The following ACOXL variants were observed in gnomAD, a reference collection of about 807,000 sequenced individuals.
The protein encoded by ACOXL is acyl-coenzyme A oxidase-like protein.
A neutral mutation model predicts 71.9 loss-of-function variants in ACOXL; 70 were observed. That is an observed-to-expected ratio of 0.97 (90% CI 0.80 to 1.19). ACOXL has a LOEUF of 1.19. Among genes scored for constraint, ACOXL ranks in the 50% most tolerant of loss-of-function variants. ACOXL has a pLI of 0.00. For synonymous variants in ACOXL, 253 were observed against 281.6 expected, an observed-to-expected ratio of 0.90 and a Z score of 1.02; for missense variants, 703 against 736.3, an observed-to-expected ratio of 0.95 and a Z score of 0.52.
chr2:110,839,155 C>T lies in ACOXL; in HGVS notation c.754-2216C>T, dbSNP rs1452306431. 2.6e-5 allele frequency among the ~76,000 whole-genome samples: 4 copies of T among 151,842 alleles called. No homozygotes were observed. In the East Asian group the frequency reaches 5.8e-4, roughly 22 times the overall value. On this transcript the variant is annotated intron_variant, in intron 9 of 17. Transcript: ENST00000439055. The stretch of plus-strand genomic sequence containing the variant: ...GTGTTTTTTTTTTTTCTTCTTGTCC[C>T]TCCCACCCCATTTCCTCTCCCTACT...
At chr2:111,096,607 G>A (rs571501289) in intron 17 of ACOXL, among the ~76,000 whole-genome samples, 13 of 151,994 alleles carry the variant, frequency 8.6e-5, no homozygotes, top group South Asian at 2.1e-4. Flanking sequence ...TTTTTTATAC[G>A]TTGAAACTTA....
chr2:110,782,306 A>G (rs368433808), intron 2 of ACOXL, among the ~76,000 whole-genome samples: 2 of 152,114 alleles, frequency 1.3e-5, no homozygotes, highest in East Asian at 1.9e-4. Context: ...GAAACTTGTC[A>G]ATATTAGACA....
intron 1 of ACOXL, chr2:110,733,116 G>C (rs1676385839): frequency 6.6e-6 from 1 of 152,504 alleles, no homozygotes; most frequent in African/African-American, 2.4e-5. Flanking sequence ...CTGGTTTGTT[G>C]AACCTGTTTC....
intron 11 of ACOXL, among the ~76,000 whole-genome samples, chr2:110,915,428 A>ATTTTTTTT (rs56961921): frequency 9.3e-6 from 1 of 108,014 alleles, no homozygotes; most frequent in African/African-American, 3.6e-5. Flanking sequence ...ATATATATAT[A>ATTTTTTTT]TTTTTTTTTT....
At chr2:110,823,302 T>TTC (rs918071658) in intron 9 of ACOXL, among the ~76,000 whole-genome samples, 2 of 152,132 alleles carry the variant, frequency 1.3e-5, no homozygotes, top group Admixed American at 6.5e-5. Context: ...GGATAGCTCG[T>TTC]TCTTTTTGTT....
At chr2:110,794,999 A>C (rs1685117134) in intron 5 of ACOXL, among the ~76,000 whole-genome samples, 2 of 147,136 alleles carry the variant, frequency 1.4e-5, no homozygotes, top group East Asian at 2.0e-4. Context: ...ACTCTCCTTT[A>C]TAGTTGCTTG....
chr2:110,826,392 A>G (rs1448099640), intron 9 of ACOXL, among the ~76,000 whole-genome samples: 1 of 152,180 alleles, frequency 6.6e-6, no homozygotes, highest in Non-Finnish European at 1.5e-5. Flanking sequence ...ATGTTCTCTG[A>G]ACCTTTGTCA....
At chr2:111,006,673 C>G (rs936601140) in intron 14 of ACOXL, among the ~76,000 whole-genome samples, 1 of 152,072 alleles carries the variant, frequency 6.6e-6, no homozygotes, top group African/African-American at 2.4e-5. Flanking sequence ...ATTCTCTTGC[C>G]TCAGCTTCTC....
chr2:110,988,438 TAAA>T (rs1044911154), intron 13 of ACOXL, among the ~76,000 whole-genome samples: 1 of 146,408 alleles, frequency 6.8e-6, no homozygotes, highest in Non-Finnish European at 1.5e-5. Context: ...AGACCTTGCC[TAAA>T]AAAAAAAATA....
chr2:110,816,248 A>G (rs548273516), intron 9 of ACOXL, among the ~76,000 whole-genome samples: 2 of 152,040 alleles, frequency 1.3e-5, no homozygotes, highest in Non-Finnish European at 2.9e-5. Flanking sequence ...GGATGAATGG[A>G]TGGATGAATG....
intron 12 of ACOXL, among the ~76,000 whole-genome samples, chr2:110,980,441 A>G (rs2062654797): frequency 6.6e-6 from 1 of 152,176 alleles, no homozygotes; most frequent in Non-Finnish European, 1.5e-5. Context: ...CGAAGGGAAG[A>G]AGAGACCCCA....
At chr2:110,860,270 CTGGTTAACTTT>C (rs1693782315) in intron 10 of ACOXL, among the ~76,000 whole-genome samples, 1 of 152,132 alleles carries the variant, frequency 6.6e-6, no homozygotes, top group African/African-American at 2.4e-5. Context: ...GCCACCACAC[CTGGTTAACTTT>C]TGTATTTTTA....
chr2:110,856,202 G>A (rs1314163639), intron 10 of ACOXL, among the ~76,000 whole-genome samples: 1 of 152,134 alleles, frequency 6.6e-6, no homozygotes, highest in Non-Finnish European at 1.5e-5. Flanking sequence ...AGACAGAAAA[G>A]TTCTCCAAGT....
intron 16 of ACOXL, among the ~76,000 whole-genome samples, chr2:111,077,692 G>A (rs1047166772): frequency 2.2e-4 from 34 of 152,198 alleles, no homozygotes; most frequent in South Asian, 1.9e-3. Context: ...TCATTTACAC[G>A]ATATATAATT....
chr2:110,769,722 C>A (rs1447720988), intron 2 of ACOXL, among the ~76,000 whole-genome samples: 1 of 152,170 alleles, frequency 6.6e-6, no homozygotes, highest in Non-Finnish European at 1.5e-5. Flanking sequence ...GTAGTCCCAG[C>A]TACTTGGGAG....
At chr2:110,964,436 C>T (rs1177937448) in intron 12 of ACOXL, among the ~76,000 whole-genome samples, 3 of 152,068 alleles carry the variant, frequency 2.0e-5, no homozygotes, top group South Asian at 2.1e-4. Flanking sequence ...ACTTATGATA[C>T]GGTAAGTAAA....
intron 9 of ACOXL, among the ~76,000 whole-genome samples, chr2:110,808,798 T>G (rs1387941152): frequency 6.6e-6 from 1 of 152,234 alleles, no homozygotes. Flanking sequence ...ACTCCCCACT[T>G]GCAGCATGTA....
intron 4 of ACOXL, 79 bp downstream of exon 4, chr2:110,793,815 T>C: frequency 8.6e-7 from 1 of 1,156,220 alleles, no homozygotes; most frequent in South Asian, 1.3e-5. Context: ...TGTGTGTATG[T>C]GTTTGAAGAA....
chr2:110,921,388 A>AACC (rs2060064392), intron 11 of ACOXL, among the ~76,000 whole-genome samples: 2 of 57,554 alleles, frequency 3.5e-5, no homozygotes, highest in Non-Finnish European at 7.2e-5. Context: ...CTATATATCC[A>AACC]CCCCCCCCCC....
Sources: gnomAD v4.1 joint callset for allele counts (sites outside exome capture counted in the v4.1 genomes callset) on GRCh38, gnomAD v4.1.1 for gene constraint, MANE v1.5 for transcripts, NCBI Gene and HGNC (gene_info 2026-07-23, HGNC 2026-07-21) for gene names.